The following SP100 variants were observed in gnomAD, a reference collection of about 807,000 sequenced individuals.
SP100 encodes the protein SP100 nuclear body protein.
Under a neutral mutation model 130.0 loss-of-function variants are expected in SP100, and 84 were observed. That is an observed-to-expected ratio of 0.65 (90% CI 0.54 to 0.77). The LOEUF (loss-of-function observed/expected upper bound fraction) is 0.77. SP100 is among the 30% of genes least tolerant of loss of function. The pLI is 0.00. For synonymous variants in SP100, 331 were observed against 351.7 expected, an observed-to-expected ratio of 0.94 and a Z score of 0.66; for missense variants, 978 against 1,052.2, an observed-to-expected ratio of 0.93 and a Z score of 0.97.
At chr2:230,515,071 G>A in intron 24 of SP100, 1 of 1,610,770 alleles carries the variant, frequency 6.2e-7, no homozygotes. Context: ...GTTATCATAT[G>A]CATTTTTTGT....
In SP100 at chr2:230,467,139, C is replaced by T; in HGVS notation, c.1215C>T (p.Asp405=). 1 of 1,613,808 alleles carries T rather than the reference C, an allele frequency of 6.2e-7. No homozygotes were observed. Among genetic ancestry groups the T allele is most frequent in the East Asian group, 2.2e-5 (1 of 44,872 alleles). Reference sequence around the variant, plus strand: ...CTGCAGTGATAGGACAAGACCACGACTTTTCAGAATCCAGTGAGGAGGAGG... The same window carrying T: ...CTGCAGTGATAGGACAAGACCACGATTTTTCAGAATCCAGTGAGGAGGAGG... The part of the protein sequence containing the change: ...FKKRVIGQDH[D]FSESSEEEAP... The change falls in exon 13 of 29, where the codon GAC becomes GAT. Residue 405 remains aspartate, a synonymous_variant. Coordinates refer to ENST00000340126, the MANE Select transcript of SP100 (RefSeq NM_001080391.2).
chr2:230,474,483 T>C (rs1575689589), intron 17 of SP100, 36 bp downstream of exon 17: 1 of 972,666 alleles, frequency 1.0e-6, no homozygotes, highest in African/African-American at 1.7e-5. Flanking sequence ...ATTTTTATGT[T>C]ACAAATGAAC....
intron 24 of SP100, among the ~76,000 whole-genome samples, chr2:230,518,539 AT>A (rs942099743): frequency 4.0e-5 from 6 of 151,874 alleles, no homozygotes; most frequent in African/African-American, 1.4e-4. Flanking sequence ...CTTAATTGGA[AT>A]TGACCTAGAC....
chr2:230,515,128 G>A (rs147556942), intron 24 of SP100: 4 of 1,612,866 alleles, frequency 2.5e-6, no homozygotes, highest in Non-Finnish European at 3.4e-6. Flanking sequence ...AGATGCTTCA[G>A]TCAAGTTCTC....
intron 28 of SP100, among the ~76,000 whole-genome samples, chr2:230,542,412 G>A (rs1422450110): frequency 6.6e-6 from 1 of 152,068 alleles, no homozygotes; most frequent in Non-Finnish European, 1.5e-5. Context: ...GGTCTCAAAT[G>A]TCAAAATATT....
At chr2:230,473,598 A>G (rs893862755) in intron 16 of SP100, among the ~76,000 whole-genome samples, 158 bp downstream of exon 16, 1 of 152,206 alleles carries the variant, frequency 6.6e-6, no homozygotes, top group Non-Finnish European at 1.5e-5. Flanking sequence ...TCAGAATTTC[A>G]AAAGTCTGAA....
intron 8 of SP100, among the ~76,000 whole-genome samples, chr2:230,455,040 A>G (rs1413311297): frequency 6.6e-6 from 1 of 151,510 alleles, no homozygotes; most frequent in Non-Finnish European, 1.5e-5. Flanking sequence ...TGACCTTCTT[A>G]TTTTCTTTCT....
intron 2 of SP100, among the ~76,000 whole-genome samples, chr2:230,426,526 A>ATTAT (rs3028414): frequency 0.67 from 101,814 of 151,586 alleles, 35,316 homozygotes; most frequent in African/African-American, 0.76. Context: ...ATGTCCTTAC[A>ATTAT]TTATATATTC....
Position 230,542,847 on chromosome 2 carries a change from CA to C in SP100, c.2560del (p.Thr854ProfsTer29), listed in dbSNP as rs1257417486. 8.1e-6 allele frequency: 13 copies of C among 1,605,892 alleles called. No individual in the cohort carries two copies. Among genetic ancestry groups the C allele is most frequent in the Non-Finnish European group, 1.1e-5 (13 of 1,173,042 alleles). On this transcript the variant is annotated frameshift_variant, in exon 29 of 29. Transcript: ENST00000340126. LOFTEE classifies it low-confidence loss of function (END_TRUNC). ...HKEFYREDKF[T>X]RLGIQVQDIF... is the part of the protein sequence containing the mutation. ...CTTTGCTTTTTTAGGAAGATAAATT[CA>C]CCAGACTGGGAATTCAAGTACAGGA...
chr2:230,486,418 A>G (rs1041712720), intron 17 of SP100, among the ~76,000 whole-genome samples: 1 of 152,190 alleles, frequency 6.6e-6, no homozygotes, highest in African/African-American at 2.4e-5. Flanking sequence ...GAGTGAGAAC[A>G]TACAGTGTTT....
At chr2:230,496,414 A>G (rs72985717) in intron 18 of SP100, among the ~76,000 whole-genome samples, 10,172 of 152,196 alleles carry the variant, frequency 0.067, 401 homozygotes, top group Middle Eastern at 0.12. Context: ...ACTTTCATCC[A>G]CACTTCCTCT....
chr2:230,541,040 C>G (rs568668741), intron 26 of SP100, 44 bp downstream of exon 26: 1 of 1,582,038 alleles, frequency 6.3e-7, no homozygotes, highest in Admixed American at 1.8e-5. Context: ...TTCTGTTCAC[C>G]TGGGCAGGAG....
At chr2:230,518,065 T>C (rs1401235572) in intron 24 of SP100, among the ~76,000 whole-genome samples, 4 of 151,792 alleles carry the variant, frequency 2.6e-5, no homozygotes, top group African/African-American at 7.2e-5. Flanking sequence ...TGCTTTTCTC[T>C]GTACTTTCTT....
chr2:230,462,586 G>A (rs755905570), intron 10 of SP100, 68 bp downstream of exon 10: 18 of 1,147,412 alleles, frequency 1.6e-5, no homozygotes, highest in Non-Finnish European at 2.1e-5. Flanking sequence ...ATTTCCTGAG[G>A]CATTTTATTC....
At chr2:230,504,412 C>G in intron 21 of SP100, 122 bp downstream of exon 21, 1 of 589,402 alleles carries the variant, frequency 1.7e-6, no homozygotes, top group Non-Finnish European at 3.1e-6. Flanking sequence ...TGAAGATTTG[C>G]TAGGAGCTTT....
At chr2:230,494,225 A>G (rs1479596833) in intron 17 of SP100, among the ~76,000 whole-genome samples, 191 bp from the exon 18 acceptor site, 1 of 152,094 alleles carries the variant, frequency 6.6e-6, no homozygotes, top group Non-Finnish European at 1.5e-5. Flanking sequence ...GGCACTGTGT[A>G]AAAACAGGTT....
chr2:230,507,672 T>C (rs1287157717), intron 22 of SP100, among the ~76,000 whole-genome samples: 1 of 152,058 alleles, frequency 6.6e-6, no homozygotes, highest in African/African-American at 2.4e-5. Context: ...GATGAACAAC[T>C]AGCAAAAACG....
Position 230,460,664 on chromosome 2 carries a change from C to T in SP100, c.821-598C>T, listed in dbSNP as rs1357869809. On this transcript the variant is annotated intron_variant, in intron 8 of 28. Transcript: ENST00000340126. ...CGGAGTCTCGCTCTGTCGCCCAGGCCGGACTGCGGACTGCAGTGGCGCAAT... is the reference window on the plus strand; with the variant it reads ...CGGAGTCTCGCTCTGTCGCCCAGGCTGGACTGCGGACTGCAGTGGCGCAAT... Among the ~76,000 whole-genome samples, 4 of 18,600 alleles carry T rather than the reference C, an allele frequency of 2.2e-4. 1 individual carries two copies. Among genetic ancestry groups the T allele is most frequent in the Admixed American group, 1.4e-3 (3 of 2,114 alleles). 12.2% of individuals were successfully genotyped at this position (18,600 alleles called of 152,430 possible). A position where few individuals can be genotyped will look rare whatever the true frequency, so the allele number is the denominator to read the frequency against.
At chr2:230,500,908 T>C (rs930021429) in intron 19 of SP100, among the ~76,000 whole-genome samples, 1 of 152,180 alleles carries the variant, frequency 6.6e-6, no homozygotes, top group African/African-American at 2.4e-5. Flanking sequence ...ATCTAATTCC[T>C]TGAGGTCTCC....
Sources: gnomAD v4.1 joint callset for allele counts (sites outside exome capture counted in the v4.1 genomes callset) on GRCh38, gnomAD v4.1.1 for gene constraint, MANE v1.5 for transcripts, NCBI Gene and HGNC (gene_info 2026-07-23, HGNC 2026-07-21) for gene names.